Variants in SASH1 observed in about 807,000 individuals in gnomAD.
SASH1 encodes the protein SAM and SH3 domain containing 1, also known as SAM and SH3 domain-containing protein 1.
Under a neutral mutation model 125.2 loss-of-function variants are expected in SASH1, and 44 were observed. The observed-to-expected ratio is 0.35, with a 90% CI of 0.28 to 0.45. The LOEUF is 0.45. SASH1 is among the 20% of genes least tolerant of loss of function. The pLI is 1.00. For synonymous variants in SASH1, 639 were observed against 649.1 expected (o/e 0.98, Z 0.24); for missense variants, 1,426 against 1,614.5 (o/e 0.88, Z 2.00).
At chr6:148,442,835 G>A (rs533278254) in intron 4 of SASH1, among the ~76,000 whole-genome samples, 77 of 151,770 alleles carry the variant, frequency 5.1e-4, no homozygotes, top group African/African-American at 1.8e-3. Context: ...GTGCAGTGGC[G>A]TCATCTCGGC....
chr6:148,318,403 T>C (rs4896990), intron 1 of SASH1, among the ~76,000 whole-genome samples: 62,181 of 151,996 alleles, frequency 0.41, 13,007 homozygotes, highest in East Asian at 0.62. Context: ...CAAAATCATA[T>C]CATCTGAATG....
In SASH1 at chr6:148,387,633, T is replaced by C. The variant is rs369019730; in HGVS notation, c.157-2501T>C. Among the ~76,000 whole-genome samples, 53 of 79,850 alleles carry C rather than the reference T, an allele frequency of 6.6e-4. 4 individuals carry two copies. The highest frequency in any genetic ancestry group is 1.6e-3 in the Admixed American group (10 of 6,408). The allele number at this position is 79,850 out of a possible 152,430, so 52.4% of individuals were successfully genotyped here. ...CTTTCTTTCTTTCTTTCTTTCTTTC[T>C]TTCTTTCTTTCTTTCTTTCTTTCTT... On this transcript the variant is annotated intron_variant, in intron 1 of 19. Coordinates refer to ENST00000367467, the MANE Select transcript of SASH1 (RefSeq NM_015278.5).
the SASH1 span, among the ~76,000 whole-genome samples, chr6:148,196,638 C>T: frequency 3.9e-5 from 6 of 152,296 alleles, no homozygotes; most frequent in East Asian, 1.9e-4. Flanking sequence ...TGACTAAATC[C>T]GCTGTTTCTA....
At chr6:148,393,686 C>G (rs1201530536) in intron 2 of SASH1, 1 of 984,970 alleles carries the variant, frequency 1.0e-6, no homozygotes. Context: ...TTGGCGTGCT[C>G]TGTTCCAAAA....
At chr6:148,539,664 A>G (rs1782097886) in intron 16 of SASH1, among the ~76,000 whole-genome samples, 1 of 152,174 alleles carries the variant, frequency 6.6e-6, no homozygotes. Context: ...TCTGTTACTC[A>G]GCTTCCAAGT....
chr6:148,382,014 ACT>A (rs1022148212), intron 1 of SASH1, among the ~76,000 whole-genome samples: 4 of 151,744 alleles, frequency 2.6e-5, no homozygotes, highest in African/African-American at 7.3e-5. Flanking sequence ...TTATCCAAAG[ACT>A]CTGTGGGGGA....
In SASH1 at chr6:148,309,865, T is replaced by C. The variant is rs551538269; in HGVS notation, n.74+37488T>C. Among the ~76,000 whole-genome samples the C allele has an allele frequency of 8.0e-4, 122 of 152,264 alleles. 1 individual carries two copies. The South Asian group carries it at 0.015, about 18-fold the overall frequency. ...ACAAAAACTGGCGAGTTTTGAGTAA[T>C]TAATATCCCATCTTCCATTTAAATG... On this transcript the variant is annotated intron_variant and non_coding_transcript_variant, in intron 1 of 3. Coordinates refer to the SASH1 transcript ENST00000367469.
chr6:148,492,978 C>G (rs1779171867), intron 8 of SASH1, among the ~76,000 whole-genome samples: 1 of 152,204 alleles, frequency 6.6e-6, no homozygotes, highest in South Asian at 2.1e-4. Context: ...CAAATAAATT[C>G]AGCCTGTCTT....
chr6:148,209,734 A>C, the SASH1 span, among the ~76,000 whole-genome samples: 1 of 152,122 alleles, frequency 6.6e-6, no homozygotes, highest in Non-Finnish European at 1.5e-5. Context: ...AGGGCTCCTC[A>C]ACCCGTATGC....
At chr6:148,535,509 C>T (rs1033900853) in intron 16 of SASH1, among the ~76,000 whole-genome samples, 4 of 152,148 alleles carry the variant, frequency 2.6e-5, no homozygotes, top group Non-Finnish European at 5.9e-5. Flanking sequence ...CATCAGCTTT[C>T]GTTAAAGGAG....
intron 1 of SASH1, among the ~76,000 whole-genome samples, chr6:148,285,779 C>A (rs1451865675): frequency 1.3e-5 from 2 of 152,138 alleles, no homozygotes; most frequent in Non-Finnish European, 2.9e-5. Flanking sequence ...AGAAAGGAAG[C>A]GCCAACAGTT....
intron 2 of SASH1, among the ~76,000 whole-genome samples, chr6:148,393,039 CA>C (rs1228904855): frequency 1.7e-4 from 20 of 120,528 alleles, no homozygotes; most frequent in Middle Eastern, 4.2e-3. Context: ...TTGAATGTTT[CA>C]ATTTTTTTTT....
At chr6:148,361,432 G>C (rs1461512763) in intron 1 of SASH1, among the ~76,000 whole-genome samples, 1 of 152,090 alleles carries the variant, frequency 6.6e-6, no homozygotes, top group African/African-American at 2.4e-5. Flanking sequence ...GAGAAACCCT[G>C]TCTCTATTAA....
At position 148,508,231 on chromosome 6, in the gene SASH1, A is replaced by G. The variant is rs78225729; in HGVS notation, c.730-6093A>G. 4.6e-3 allele frequency among the ~76,000 whole-genome samples: 704 copies of G among 152,346 alleles called. 6 individuals are homozygous for G. The highest frequency in any genetic ancestry group is 0.016 in the African/African-American group (660 of 41,584). On this transcript the variant is annotated intron_variant, in intron 8 of 19. Coordinates refer to ENST00000367467, the MANE Select transcript of SASH1 (RefSeq NM_015278.5). Reference sequence around the variant, plus strand: ...GAGAGAAAGTGACAACTCTAGGAGAAAACCACAATCATAAGTTTTAATTCA... The same window carrying G: ...GAGAGAAAGTGACAACTCTAGGAGAGAACCACAATCATAAGTTTTAATTCA...
chr6:148,517,077 A>G (rs147268171), intron 9 of SASH1, among the ~76,000 whole-genome samples: 28 of 152,270 alleles, frequency 1.8e-4, no homozygotes, highest in African/African-American at 6.5e-4. Context: ...CTCTCCAGTA[A>G]TGAATCGCCA....
At chr6:148,319,958 C>G (rs966048934) in intron 1 of SASH1, among the ~76,000 whole-genome samples, 18 of 152,206 alleles carry the variant, frequency 1.2e-4, no homozygotes, top group Non-Finnish European at 2.2e-4. Context: ...GTAGCTGACT[C>G]AGTTATCAGA....
At chr6:148,534,511 A>G (rs746003395) in intron 15 of SASH1, among the ~76,000 whole-genome samples, 9 of 152,262 alleles carry the variant, frequency 5.9e-5, no homozygotes, top group Non-Finnish European at 1.0e-4. Flanking sequence ...GCAAGCCAGC[A>G]GAATCCATCA....
intron 1 of SASH1, among the ~76,000 whole-genome samples, chr6:148,298,659 GAGGGAGGGAGGAAGGAAGGA>G (rs1177373556): frequency 1.1e-5 from 1 of 91,048 alleles, no homozygotes; most frequent in African/African-American, 4.0e-5. Context: ...GGGAGGGAGG[GAGGGAGGGAGGAAGGAAGGA>G]AGGAAGGAAG....
chr6:148,525,232 G>A, intron 10 of SASH1, 59 bp from the exon 11 acceptor site: 1 of 1,258,290 alleles, frequency 7.9e-7, no homozygotes, highest in Non-Finnish European at 1.2e-6. Flanking sequence ...CTGGGTTGGT[G>A]CACTGCCGGC....
Sources: gnomAD v4.1 joint callset for allele counts (sites outside exome capture counted in the v4.1 genomes callset) on GRCh38, gnomAD v4.1.1 for gene constraint, MANE v1.5 for transcripts, NCBI Gene and HGNC (gene_info 2026-07-23, HGNC 2026-07-21) for gene names.